PCDHGB3: variants seen among roughly 807,000 people sequenced by gnomAD.
PCDHGB3 encodes the protein protocadherin gamma-B3.
PCDHGB3 carries 40 observed loss-of-function variants against 59.2 expected under a neutral mutation model. That is an observed-to-expected ratio of 0.68 (90% confidence interval 0.52 to 0.88). The LOEUF (loss-of-function observed/expected upper bound fraction) is 0.88. Ranked by LOEUF, PCDHGB3 falls within the 40% of genes least tolerant of loss-of-function variation. The pLI, the probability that PCDHGB3 is intolerant of heterozygous loss-of-function variation, is 0.00. For missense variants in PCDHGB3, 1,309 were observed against 1,187.9 expected, an observed-to-expected ratio of 1.10 and a Z score of -1.50; for synonymous variants, 581 against 503.6, an observed-to-expected ratio of 1.15 and a Z score of -2.06.
chr5:141,423,943 G>GA, intron 1 of PCDHGB3: 1 of 1,211,382 alleles, frequency 8.3e-7, no homozygotes, highest in Non-Finnish European at 1.0e-6. Flanking sequence ...GAAGTAAGTT[G>GA]AATTTTAGTA....
chr5:141,417,141 C>T (rs1455831459), intron 1 of PCDHGB3: 1 of 152,018 alleles, frequency 6.6e-6, no homozygotes, highest in Non-Finnish European at 1.5e-5. Context: ...ATGACTAGGG[C>T]AATGGTTGCA....
At chr5:141,478,443 C>T (rs2099456258) in intron 1 of PCDHGB3, 3 of 1,613,494 alleles carry the variant, frequency 1.9e-6, no homozygotes, top group Admixed American at 1.7e-5. Flanking sequence ...CTGAAGAAAC[C>T]TGGTGCAGCC....
At chr5:141,404,451 C>G in intron 1 of PCDHGB3, 4 of 1,613,166 alleles carry the variant, frequency 2.5e-6, no homozygotes, top group Non-Finnish European at 3.4e-6. Flanking sequence ...CAAGGGTCTC[C>G]TCTCTCCACC....
chr5:141,399,383 C>A, intron 1 of PCDHGB3: 1 of 1,614,008 alleles, frequency 6.2e-7, no homozygotes. Context: ...GTCACCATCA[C>A]AGCCACAGAC....
intron 1 of PCDHGB3, chr5:141,403,027 G>A: frequency 6.2e-7 from 1 of 1,614,070 alleles, no homozygotes; most frequent in East Asian, 2.2e-5. Context: ...TGCTATGGGA[G>A]GCCAGGGCCA....
chr5:141,469,573 CTAAA>C (rs1209972534), intron 1 of PCDHGB3, among the ~76,000 whole-genome samples: 2 of 151,554 alleles, frequency 1.3e-5, no homozygotes, highest in Non-Finnish European at 2.9e-5. Flanking sequence ...GACTCTGTCT[CTAAA>C]TAAATAAATA....
In PCDHGB3 at chr5:141,380,794, G is replaced by A. The variant is rs116753480; in HGVS notation, c.2415+7985G>A. ...AGACTTTTTTAAAACAGTAGAATAA[G>A]AAACAAATGTGAGATGAAACTATGA... On this transcript the variant is annotated intron_variant, in intron 1 of 3. Transcript: ENST00000576222. Among the ~76,000 whole-genome samples, 564 of 152,260 alleles carry A rather than the reference G, an allele frequency of 3.7e-3. 3 individuals are homozygous for A. The highest frequency in any genetic ancestry group is 0.013 in the African/African-American group (534 of 41,542).
chr5:141,421,871 C>CT, intron 1 of PCDHGB3: 1 of 1,613,756 alleles, frequency 6.2e-7, no homozygotes, highest in East Asian at 2.2e-5. Flanking sequence ...CTCCTCACAG[C>CT]TTTAGATGGA....
rs754530973 is a variant in PCDHGB3 at position 141,413,859 on chromosome 5, C to T, written c.2415+41050C>T. 11 of 1,613,248 alleles carry T rather than the reference C, an allele frequency of 6.8e-6. No individual in the cohort carries two copies. The Admixed American group carries it at 1.7e-4, about 24-fold the overall frequency. On this transcript the variant is annotated intron_variant, in intron 1 of 3. Transcript: ENST00000576222. ...ACGGGGGTGACCCTCTCCGATCTGG[C>T]ACTGTCCTTGTCAGTGTGACTGTCT...
At chr5:141,469,142 G>A (rs1473440049) in intron 1 of PCDHGB3, among the ~76,000 whole-genome samples, 3 of 152,024 alleles carry the variant, frequency 2.0e-5, no homozygotes, top group East Asian at 1.9e-4. Flanking sequence ...CAGAAATGGT[G>A]GCACATGTCT....
At position 141,389,882 on chromosome 5, in the gene PCDHGB3, G is replaced by T. The variant is rs761230157; in HGVS notation, c.2415+17073G>T. On this transcript the variant is annotated intron_variant, in intron 1 of 3. Transcript: ENST00000576222. ...TGCACCTGGTCTTCGCCGACAGCTT[G>T]CAGGAGGTGCTGCCGGATATCACTG... 1.1e-5 allele frequency: 18 copies of T among 1,614,082 alleles called. No homozygotes were observed. The South Asian group carries it at 1.9e-4, about 17-fold the overall frequency.
rs534187376 is a variant in PCDHGB3 at position 141,512,974 on chromosome 5, A to G, written c.*1801A>G. ...AAAATAATAAAACGTTTCTTCTGAA[A>G]AGCTGAACGTTTCTGTATAAGCGAT... is the stretch of plus-strand genomic sequence containing the variant. On this transcript the variant is annotated 3_prime_UTR_variant, in exon 4 of 4. Transcript: ENST00000576222. The G allele has an allele frequency of 6.6e-6, 1 of 152,362 alleles. No individual in the cohort carries two copies. Among genetic ancestry groups the G allele is most frequent in the South Asian group, 2.1e-4 (1 of 4,826 alleles). The allele number at this position is 152,362 out of a possible 1,614,324, so 9.4% of individuals were successfully genotyped here. A position where few individuals can be genotyped will look rare whatever the true frequency, so the allele number is the denominator to read the frequency against.
At position 141,498,660 on chromosome 5, in the gene PCDHGB3, G is replaced by A. The variant is rs969314533; in HGVS notation, c.2474+3795G>A. Among the ~76,000 whole-genome samples, 11 of 152,192 alleles carry A rather than the reference G, an allele frequency of 7.2e-5. No homozygotes were observed. In the East Asian group the frequency reaches 9.6e-4, roughly 13 times the overall value. ...GAAGGAAGAAGACCTGGCCAGGTGT[G>A]GTGGCTCACGCCTGTAATCCCAGCA... is the stretch of plus-strand genomic sequence containing the variant. On this transcript the variant is annotated intron_variant, in intron 2 of 3. Coordinates refer to ENST00000576222, the MANE Select transcript of PCDHGB3 (RefSeq NM_018924.5).
intron 1 of PCDHGB3, chr5:141,417,045 A>G (rs890407837): frequency 7.2e-5 from 11 of 152,144 alleles, no homozygotes; most frequent in Admixed American, 1.3e-4. Context: ...TTTTAAAAAA[A>G]ACTGCTCTTG....
chr5:141,452,360 C>A (rs1045666881), intron 1 of PCDHGB3, among the ~76,000 whole-genome samples: 3 of 152,172 alleles, frequency 2.0e-5, no homozygotes, highest in Non-Finnish European at 4.4e-5. Flanking sequence ...AAAAGCCTTG[C>A]TTCATTTTAG....
intron 1 of PCDHGB3, among the ~76,000 whole-genome samples, chr5:141,435,478 C>A (rs1279447863): frequency 6.6e-6 from 1 of 152,146 alleles, no homozygotes; most frequent in Non-Finnish European, 1.5e-5. Flanking sequence ...TTAGACATTT[C>A]TTTTGCCCAT....
intron 1 of PCDHGB3, chr5:141,387,860 G>T: frequency 6.3e-7 from 1 of 1,593,236 alleles, no homozygotes; most frequent in Non-Finnish European, 8.5e-7. Flanking sequence ...CCAGGCTGGT[G>T]AGCAAGCTGA....
chr5:141,404,804 T>A, intron 1 of PCDHGB3: 1 of 1,613,898 alleles, frequency 6.2e-7, no homozygotes, highest in South Asian at 1.1e-5. Context: ...AGGGCTCTTC[T>A]CGGTGGGGCT....
intron 1 of PCDHGB3, among the ~76,000 whole-genome samples, chr5:141,373,763 G>A (rs951115131): frequency 6.6e-6 from 1 of 152,192 alleles, no homozygotes; most frequent in African/African-American, 2.4e-5. Context: ...AATATTATGA[G>A]TGTCATCTCT....
Sources: allele counts gnomAD v4.1 joint callset (sites outside exome capture counted in the v4.1 genomes callset), GRCh38; gene constraint gnomAD v4.1.1; transcripts MANE v1.5; gene names NCBI Gene and HGNC (gene_info 2026-07-23, HGNC 2026-07-21).